The following ABCB1 variants were observed in gnomAD, a reference collection of about 807,000 sequenced individuals.
ABCB1 encodes the protein ATP-dependent translocase ABCB1.
Under a neutral mutation model 142.0 loss-of-function variants are expected in ABCB1, and 69 were observed. The observed-to-expected ratio is 0.49, with a 90% CI of 0.40 to 0.59. The LOEUF (loss-of-function observed/expected upper bound fraction) is 0.59, where lower values mean the gene tolerates loss of function less well. ABCB1 is among the 20% of genes least tolerant of loss of function. ABCB1 has a pLI of 0.00. For missense variants in ABCB1, 1,326 were observed against 1,554.7 expected (o/e 0.85, Z 2.47); for synonymous variants, 532 against 539.2 (o/e 0.99, Z 0.18).
At chr7:87,692,693 C>T (rs1194476053) in intron 1 of ABCB1, among the ~76,000 whole-genome samples, 1 of 152,000 alleles carries the variant, frequency 6.6e-6, no homozygotes, top group East Asian at 1.9e-4. Flanking sequence ...TGTTTTAGGA[C>T]AGAGATAGTA....
At chr7:87,671,796 C>T (rs1825848350) in intron 1 of ABCB1, among the ~76,000 whole-genome samples, 1 of 152,170 alleles carries the variant, frequency 6.6e-6, no homozygotes, top group African/African-American at 2.4e-5. Context: ...TTGCCTCAGA[C>T]ACTCTGAAAC....
At chr7:87,581,054 G>C (rs1022092819) in intron 4 of ABCB1, among the ~76,000 whole-genome samples, 1 of 151,778 alleles carries the variant, frequency 6.6e-6, no homozygotes, top group East Asian at 1.9e-4. Context: ...GGGGGAGGGG[G>C]GGATGATTTC....
Position 87,539,364 on chromosome 7 carries a change from C to G in ABCB1, c.2320-19G>C. On this transcript the variant is annotated intron_variant, in intron 18 of 27. Transcript: ENST00000622132. The stretch of plus-strand genomic sequence containing the variant: ...TGAAACCCTGTGGGCAGGAACATAC[C>G]TTGTCAGGGACCCAGCCACCATTTA... 2 of 1,611,652 alleles carry G rather than the reference C, an allele frequency of 1.2e-6. No homozygotes were observed. Among genetic ancestry groups the G allele is most frequent in the Non-Finnish European group, 1.7e-6 (2 of 1,177,758 alleles).
intron 1 of ABCB1, among the ~76,000 whole-genome samples, chr7:87,703,913 G>GTT (rs1829340053): frequency 3.2e-4 from 10 of 31,284 alleles, no homozygotes; most frequent in South Asian, 1.0e-3. Context: ...TTTTTTTTTT[G>GTT]GTTTTTTTTT....
At chr7:87,671,004 G>C (rs1313803467) in intron 1 of ABCB1, among the ~76,000 whole-genome samples, 1 of 152,208 alleles carries the variant, frequency 6.6e-6, no homozygotes, top group Non-Finnish European at 1.5e-5. Flanking sequence ...GTTGGAGGCA[G>C]CAGAGAAAGG....
At chr7:87,681,576 T>C (rs1472392459) in intron 1 of ABCB1, among the ~76,000 whole-genome samples, 1 of 150,852 alleles carries the variant, frequency 6.6e-6, no homozygotes, top group African/African-American at 2.5e-5. Flanking sequence ...TAAACTACTT[T>C]ACTGCTAAAA....
At chr7:87,616,710 A>C (rs1440572226) in intron 1 of ABCB1, among the ~76,000 whole-genome samples, 3 of 152,220 alleles carry the variant, frequency 2.0e-5, no homozygotes, top group African/African-American at 7.2e-5. Context: ...TCCCAACCTT[A>C]GAGATCAGAA....
intron 4 of ABCB1, among the ~76,000 whole-genome samples, chr7:87,584,606 A>G (rs551179228): frequency 3.3e-5 from 5 of 152,250 alleles, no homozygotes; most frequent in South Asian, 4.1e-4. Context: ...TCTGTAGTCT[A>G]TTCACTTTCC....
intron 1 of ABCB1, among the ~76,000 whole-genome samples, chr7:87,672,756 TG>T (rs1468277612): frequency 6.6e-6 from 1 of 152,156 alleles, no homozygotes; most frequent in Non-Finnish European, 1.5e-5. Flanking sequence ...GGGAGAAGTG[TG>T]GTTTCCTGAG....
intron 1 of ABCB1, among the ~76,000 whole-genome samples, chr7:87,648,184 C>CA (rs138383809): frequency 0.12 from 7,847 of 64,930 alleles, 471 homozygotes; most frequent in East Asian, 0.41. Context: ...GACTCTGTCT[C>CA]AAAAAAAAAA....
intron 1 of ABCB1, among the ~76,000 whole-genome samples, chr7:87,703,914 G>GTTTTTTTTTTTTTTT (rs35797972): frequency 1.9e-3 from 82 of 42,966 alleles, no homozygotes; most frequent in Middle Eastern, 0.022. Context: ...TTTTTTTTTG[G>GTTTTTTTTTTTTTTT]TTTTTTTTTT....
chr7:87,568,039 G>T (rs1482254755), intron 5 of ABCB1, among the ~76,000 whole-genome samples: 1 of 150,974 alleles, frequency 6.6e-6, no homozygotes, highest in Non-Finnish European at 1.5e-5. Flanking sequence ...GGAAGCAGAG[G>T]TTGCCGGGAG....
intron 1 of ABCB1, among the ~76,000 whole-genome samples, chr7:87,644,838 C>CT (rs1260215473): frequency 1.3e-5 from 2 of 151,574 alleles, no homozygotes; most frequent in African/African-American, 4.8e-5. Flanking sequence ...CTAATAAAAA[C>CT]TATAGACATT....
intron 21 of ABCB1, chr7:87,521,855 A>G (rs541909522): frequency 1.3e-6 from 1 of 772,132 alleles, no homozygotes; most frequent in African/African-American, 1.7e-5. Context: ...GGAAAAATTG[A>G]AGTGATTGAA....
rs367909991 is a variant in ABCB1, at chr7:87,531,348, T to C, written c.2631A>G (p.Lys877=). 6.2e-7 allele frequency: 1 copy of C among 1,613,504 alleles called. No homozygotes were observed. Among genetic ancestry groups the C allele is most frequent in the Non-Finnish European group, 8.5e-7 (1 of 1,179,696 alleles). ...CTTTCAGTGCTTGTCCAGACAACAT[T>C]TTCATTTCAACAACTCCTGCTATTG... ...IIAIAGVVEM[K]MLSGQALKDK... is the part of the protein sequence containing the mutation. Residue 877 remains lysine (K), a synonymous_variant, in exon 21 of 28, where the codon AAA becomes AAG. Transcript: ENST00000622132.
intron 7 of ABCB1, chr7:87,563,375 C>A (rs1378178027): frequency 2.2e-6 from 1 of 455,094 alleles, no homozygotes; most frequent in East Asian, 7.0e-5. Context: ...AAACTTTGGG[C>A]CAGTATCCTT....
intron 1 of ABCB1, chr7:87,693,973 T>C: frequency 6.2e-7 from 1 of 1,611,640 alleles, no homozygotes; most frequent in Non-Finnish European, 8.5e-7. Flanking sequence ...TCTATGCTGG[T>C]GATGTCTCCC....
At chr7:87,646,072 C>T (rs750249191) in intron 1 of ABCB1, among the ~76,000 whole-genome samples, 6 of 152,062 alleles carry the variant, frequency 3.9e-5, no homozygotes, top group Admixed American at 1.3e-4. Context: ...ATTTGGACTT[C>T]GCTTTTGTTT....
At chr7:87,662,333 A>G (rs1824795514) in intron 1 of ABCB1, among the ~76,000 whole-genome samples, 1 of 152,146 alleles carries the variant, frequency 6.6e-6, no homozygotes, top group South Asian at 2.1e-4. Context: ...GCCCAGTCCA[A>G]TGTCCTGGAG....
Sources: allele counts gnomAD v4.1 joint callset (sites outside exome capture counted in the v4.1 genomes callset), GRCh38; gene constraint gnomAD v4.1.1; transcripts MANE v1.5; gene names NCBI Gene and HGNC (gene_info 2026-07-23, HGNC 2026-07-21).